Variants in ELN observed in about 807,000 individuals in gnomAD.
ELN encodes the protein tropoelastin.
In ELN, 65 loss-of-function variants were observed where a neutral mutation model predicts 105.8. That is an observed-to-expected ratio of 0.61 (90% CI 0.50 to 0.75). ELN has a LOEUF of 0.75. Among genes scored for constraint, ELN ranks in the 30% least tolerant of loss-of-function variants. ELN has a pLI of 0.00. For missense variants in ELN, 882 were observed against 969.4 expected, an observed-to-expected ratio of 0.91 and a Z score of 1.20; for synonymous variants, 368 against 389.2, an observed-to-expected ratio of 0.95 and a Z score of 0.64.
Position 74,063,560 on chromosome 7 carries a change from G to A in ELN, c.1919-61G>A. The A allele has an allele frequency of 6.2e-7, 1 of 1,613,570 alleles. No individual in the cohort carries two copies. The highest frequency in any genetic ancestry group is 1.3e-5 in the African/African-American group (1 of 75,056). On this transcript the variant is annotated intron_variant, in intron 28 of 32. Coordinates refer to ENST00000252034, the MANE Select transcript of ELN (RefSeq NM_000501.4). The surrounding 1 kb of genome is among the most constrained non-coding windows in gnomAD (Gnocchi z 4.1). ...CCAGAGGACACCTCCGCCCTCCACAGGCCGAGGCTTCAGTCCCACCTTTCT... is the reference window on the plus strand; with the variant it reads ...CCAGAGGACACCTCCGCCCTCCACAAGCCGAGGCTTCAGTCCCACCTTTCT...
intron 29 of ELN, among the ~76,000 whole-genome samples, chr7:74,064,283 C>T (rs1241009938): frequency 6.6e-6 from 1 of 151,722 alleles, no homozygotes; most frequent in Admixed American, 6.6e-5. Flanking sequence ...GGCGTGGTGG[C>T]AGACGCCTGT....
rs1206683713 is a variant in ELN at position 74,036,542 on chromosome 7, T to C, written c.134-13T>C. 1.2e-6 allele frequency: 2 copies of C among 1,613,704 alleles called. No individual in the cohort carries two copies. The highest frequency in any genetic ancestry group is 3.3e-5 in the Admixed American group (2 of 59,970). On this transcript the variant is annotated splice_polypyrimidine_tract_variant and intron_variant, in intron 2 of 32. Coordinates refer to ENST00000252034, the MANE Select transcript of ELN (RefSeq NM_000501.4). ...TACCGATGATCTCTCTTTCTCTTTCTCTCCCCCCACAGGGGCTGGTCTCGG... is the reference window on the plus strand; with the variant it reads ...TACCGATGATCTCTCTTTCTCTTTCCCTCCCCCCACAGGGGCTGGTCTCGG...
chr7:74,068,198 C>A (rs1584071549), intron 32 of ELN, among the ~76,000 whole-genome samples: 1 of 152,088 alleles, frequency 6.6e-6, no homozygotes, highest in Non-Finnish European at 1.5e-5. Flanking sequence ...GTGGATAAGA[C>A]CCTCTCTCCC....
intron 1 of ELN, 37 bp from the exon 2 acceptor site, chr7:74,035,327 G>T (rs1224332875): frequency 6.2e-7 from 1 of 1,612,970 alleles, no homozygotes; most frequent in East Asian, 2.2e-5. Context: ...TAATAGTTCT[G>T]GCTCCTGGAG....
intron 21 of ELN, chr7:74,057,324 G>T: frequency 1.5e-5 from 20 of 1,330,342 alleles, no homozygotes; most frequent in East Asian, 2.6e-5. Flanking sequence ...ACCCACCCTT[G>T]CTCCCCCAAA....
chr7:74,036,879 G>T (rs1554666089), intron 3 of ELN, among the ~76,000 whole-genome samples: 1 of 152,168 alleles, frequency 6.6e-6, no homozygotes, highest in African/African-American at 2.4e-5. Flanking sequence ...GGAGTGCAGT[G>T]GCGTGATCTC....
Position 74,036,584 on chromosome 7 carries a change from G to A in ELN, c.163G>A (p.Ala55Thr). 4 of 1,614,128 alleles carry A rather than the reference G, an allele frequency of 2.5e-6. No homozygotes were observed. The highest frequency in any genetic ancestry group is 3.4e-6 in the Non-Finnish European group (4 of 1,180,032). The change falls in exon 3 of 33, where the codon GCG (alanine) becomes ACG (threonine). Residue 55 changes from alanine (A) to threonine (T), a missense_variant and splice_region_variant. Ala to Thr is a moderately conservative substitution (Grantham distance 58). Coordinates refer to ENST00000252034, the MANE Select transcript of ELN (RefSeq NM_000501.4). ...GAGLGALGGG[A>T]LGPGGKPLKP... is the part of the protein sequence containing the mutation. ...TGGTCTCGGAGCCCTTGGAGGAGGA[G>A]GTGAGCTCAGAAACCACACTTGTTC... is the stretch of plus-strand genomic sequence containing the variant.
chr7:74,033,811 G>A (rs1404174170), intron 1 of ELN, among the ~76,000 whole-genome samples: 3 of 152,196 alleles, frequency 2.0e-5, no homozygotes, highest in Admixed American at 6.5e-5. Context: ...CATGCCCCAC[G>A]GGGCTCCCGG....
chr7:74,054,617 G>A, intron 18 of ELN, 99 bp from the exon 19 acceptor site: 1 of 1,235,298 alleles, frequency 8.1e-7, no homozygotes, highest in Non-Finnish European at 1.2e-6. Flanking sequence ...GGCATGAAAG[G>A]AGATGGCCCA....
At chr7:74,058,813 C>G (rs1294110202) in intron 22 of ELN, among the ~76,000 whole-genome samples, 6 of 152,220 alleles carry the variant, frequency 3.9e-5, no homozygotes, top group Non-Finnish European at 8.8e-5. Flanking sequence ...GGCCTTGGCC[C>G]TAGGGACCTG....
At chr7:74,057,162 C>T (rs1024874800) in intron 21 of ELN, among the ~76,000 whole-genome samples, 10 of 151,960 alleles carry the variant, frequency 6.6e-5, no homozygotes, top group South Asian at 2.1e-4. Flanking sequence ...GGCTTGAACC[C>T]GGGAGGTAGA....
At chr7:74,035,729 T>G (rs868963392) in intron 2 of ELN, 29 of 432,098 alleles carry the variant, frequency 6.7e-5, no homozygotes, top group Middle Eastern at 6.2e-4. Flanking sequence ...CACACAAATT[T>G]AAAATTAGCC....
chr7:74,037,687 A>C lies in ELN; in HGVS notation c.164-20A>C, dbSNP rs374252054. ...GATAAGCTGGGCCACCCCATTCACT[A>C]TCTTCTCTTCCCTCTGCAGCGCTGG... On this transcript the variant is annotated intron_variant, in intron 3 of 32. Coordinates refer to ENST00000252034, the MANE Select transcript of ELN (RefSeq NM_000501.4). 1 of 1,610,558 alleles carries C rather than the reference A, an allele frequency of 6.2e-7. No homozygotes were observed. Among genetic ancestry groups the C allele is most frequent in the African/African-American group, 1.3e-5 (1 of 74,880 alleles).
chr7:74,061,052 G>A (rs1796534612), intron 25 of ELN, 49 bp from the exon 26 acceptor site: 1 of 1,613,018 alleles, frequency 6.2e-7, no homozygotes, highest in Admixed American at 1.7e-5. Flanking sequence ...AGAACTCCCA[G>A]GCACAGAGCT....
chr7:74,050,592 TCCA>T (rs1793816553), intron 15 of ELN, among the ~76,000 whole-genome samples: 1 of 151,762 alleles, frequency 6.6e-6, no homozygotes, highest in Non-Finnish European at 1.5e-5. Flanking sequence ...CACCCATCCA[TCCA>T]TTCACCCATG....
At chr7:74,046,647 G>A (rs1792595136) in intron 11 of ELN, 49 bp from the exon 12 acceptor site, 1 of 1,606,270 alleles carries the variant, frequency 6.2e-7, no homozygotes, top group Non-Finnish European at 8.5e-7. Flanking sequence ...GTGGCGGAGG[G>A]TTTGGAAGGG....
Position 74,068,981 on chromosome 7 carries a change from C to T in ELN, c.*281C>T. On this transcript the variant is annotated 3_prime_UTR_variant, in exon 33 of 33. Coordinates refer to ENST00000252034, the MANE Select transcript of ELN (RefSeq NM_000501.4). ...AGGAGCTCCCCCTCCACACAGCCTC[C>T]ATCTCCAGGGGAACTTGGTGCTACA... 1 of 523,450 alleles carries T rather than the reference C, an allele frequency of 1.9e-6. No homozygotes were observed. Among genetic ancestry groups the T allele is most frequent in the Non-Finnish European group, 3.5e-6 (1 of 287,114 alleles). The allele number at this position is 523,450 out of a possible 1,614,324, so 32.4% of individuals were successfully genotyped here.
chr7:74,064,287 C>T (rs1321812362), intron 29 of ELN, among the ~76,000 whole-genome samples: 17 of 151,640 alleles, frequency 1.1e-4, no homozygotes, highest in South Asian at 2.1e-4. Flanking sequence ...TGGTGGCAGA[C>T]GCCTGTAGTC....
intron 17 of ELN, chr7:74,052,605 A>G (rs1794284532): frequency 5.8e-6 from 1 of 171,862 alleles, no homozygotes; most frequent in Non-Finnish European, 1.2e-5. Context: ...GAGAGACAGA[A>G]AGAGAGAGAC....
Sources: gnomAD v4.1 joint callset for allele counts (sites outside exome capture counted in the v4.1 genomes callset) on GRCh38, gnomAD v4.1.1 for gene constraint, Gnocchi (gnomAD v3.1) non-coding constraint, MANE v1.5 for transcripts, NCBI Gene and HGNC (gene_info 2026-07-23, HGNC 2026-07-21) for gene names.